The following ZNF274 variants were observed in gnomAD, a reference collection of about 807,000 sequenced individuals.
ZNF274 encodes neurotrophin receptor-interacting factor homolog.
Under a neutral mutation model 42.5 loss-of-function variants are expected in ZNF274, and 23 were observed. That is an observed-to-expected ratio of 0.54 (90% CI 0.39 to 0.77). The LOEUF (loss-of-function observed/expected upper bound fraction) is 0.77, where lower values mean the gene tolerates loss of function less well. Among genes scored for constraint, ZNF274 ranks in the 30% least tolerant of loss-of-function variants. The probability of loss-of-function intolerance (pLI) is 0.00; values close to 1 mark genes in which losing one functional copy is unlikely to be tolerated. For synonymous variants in ZNF274, 292 were observed against 305.4 expected, an observed-to-expected ratio of 0.96 and a Z score of 0.46; for missense variants, 679 against 806.5, an observed-to-expected ratio of 0.84 and a Z score of 1.91.
At position 58,207,164 on chromosome 19, in the gene ZNF274, C is replaced by T. The variant is rs1350959250; in HGVS notation, c.701C>T (p.Ala234Val). Reference sequence around the variant, plus strand: ...CCAGAGAACTGCCAAGAGGTGGTGGCCCTGGTAGAGGGTGTGACCTGGATG... The same window carrying T: ...CCAGAGAACTGCCAAGAGGTGGTGGTCCTGGTAGAGGGTGTGACCTGGATG... ...QHPENCQEVV[A>V]LVEGVTWMSE... Residue 234 changes from alanine to valine, a missense_variant, in exon 5 of 8, where the codon GCC becomes GTC. Physicochemically the swap from Ala to Val is moderately conservative, Grantham distance 64. Transcript: ENST00000617501. The surrounding 1 kb of genome is among the most constrained non-coding windows in gnomAD (Gnocchi z 5.6). The T allele has an allele frequency of 6.2e-7, 1 of 1,612,886 alleles. No individual in the cohort carries two copies. Among genetic ancestry groups the T allele is most frequent in the Admixed American group, 1.7e-5 (1 of 59,828 alleles).
rs1568710980 is a variant in ZNF274 at position 58,207,796 on chromosome 19, A to C, written c.739+594A>C. On this transcript the variant is annotated intron_variant, in intron 5 of 7. Transcript: ENST00000617501. This position sits in a 1 kb window ranked among gnomAD's most constrained non-coding sequence, Gnocchi z 5.6. ...GAAGGGAGCAGAGGTTGGAGCTGGC[A>C]CTGCCAGTGGGGACTTTAGTCCTAA... Among the ~76,000 whole-genome samples, 1 of 152,250 alleles carries C rather than the reference A, an allele frequency of 6.6e-6. No homozygotes were observed. The highest frequency in any genetic ancestry group is 2.4e-5 in the African/African-American group (1 of 41,466).
At chr19:58,192,807 T>C (rs543941746) in intron 4 of ZNF274, among the ~76,000 whole-genome samples, 42 of 152,290 alleles carry the variant, frequency 2.8e-4, no homozygotes, top group Middle Eastern at 3.4e-3. Context: ...TGTAGTGGCA[T>C]GATCATGGCT....
chr19:58,209,566 G>C (rs757808214), intron 5 of ZNF274: 1 of 157,382 alleles, frequency 6.4e-6, no homozygotes, highest in Non-Finnish European at 1.4e-5. Context: ...AGAAGGAAGA[G>C]GTGCCCAAAT....
chr19:58,185,463 AAAAT>A (rs1344700854), intron 2 of ZNF274: 1 of 185,452 alleles, frequency 5.4e-6, no homozygotes, highest in Admixed American at 6.1e-5. Flanking sequence ...ATAAATAAAT[AAAAT>A]GGACAGATTT....
At chr19:58,195,966 C>G (rs2075837623) in intron 4 of ZNF274, among the ~76,000 whole-genome samples, 1 of 152,138 alleles carries the variant, frequency 6.6e-6, no homozygotes, top group African/African-American at 2.4e-5. Context: ...CTGGGGACCC[C>G]TGGTTTAAGT....
chr19:58,189,984 G>A (rs1030692394), intron 4 of ZNF274, among the ~76,000 whole-genome samples: 19 of 151,892 alleles, frequency 1.3e-4, no homozygotes, highest in Middle Eastern at 6.8e-3. Flanking sequence ...TTAGCTGGGC[G>A]TGGTGGTTCG....
chr19:58,196,792 T>G (rs2075848347), intron 4 of ZNF274, among the ~76,000 whole-genome samples: 1 of 152,200 alleles, frequency 6.6e-6, no homozygotes, highest in Admixed American at 6.5e-5. Context: ...AAAATTCACT[T>G]TCAGCCTGTC....
rs572303077 is a variant in ZNF274 at position 58,186,948 on chromosome 19, A to T, written c.162A>T (p.Glu54Asp). The change falls in exon 4 of 8, where the codon GAA becomes GAT. Residue 54 changes from glutamate to aspartate, a missense_variant and splice_region_variant. Coordinates refer to ENST00000617501, the MANE Select transcript of ZNF274 (RefSeq NM_133502.3). Reference protein sequence around the residue: ...LENYRNLVSVEHQLSKPDVVS... With the variant: ...LENYRNLVSVDHQLSKPDVVS... Reference sequence around the variant, plus strand: ...CCCTGTCTCTTTTCCTTTGAGCAGAACATCAGCTTTCCAAACCAGATGTGG... The same window carrying T: ...CCCTGTCTCTTTTCCTTTGAGCAGATCATCAGCTTTCCAAACCAGATGTGG... The T allele has an allele frequency of 3.7e-6, 6 of 1,613,410 alleles. No individual in the cohort carries two copies. Among genetic ancestry groups the T allele is most frequent in the Non-Finnish European group, 5.1e-6 (6 of 1,179,656 alleles).
At chr19:58,183,768 C>G in intron 1 of ZNF274, 153 bp from the exon 2 acceptor site, 1 of 582,380 alleles carries the variant, frequency 1.7e-6, no homozygotes, top group Non-Finnish European at 3.1e-6. Flanking sequence ...CCTATCCAGT[C>G]CTGTGGGAGT....
At chr19:58,204,346 AG>A (rs113292191) in intron 4 of ZNF274, among the ~76,000 whole-genome samples, 3,774 of 151,674 alleles carry the variant, frequency 0.025, 119 homozygotes, top group Admixed American at 0.07. Flanking sequence ...TTCCGGGTCC[AG>A]GGGGGGCAGG....
chr19:58,204,959 A>G lies in ZNF274; in HGVS notation c.257-1761A>G, dbSNP rs112898039. On this transcript the variant is annotated intron_variant, in intron 4 of 7. Transcript: ENST00000617501. Reference sequence around the variant, plus strand: ...CATAAGGAAGGGTTCTGAGTGGAGAACCCTATTGGCTTGGCGGGGAGCAGT... The same window carrying G: ...CATAAGGAAGGGTTCTGAGTGGAGAGCCCTATTGGCTTGGCGGGGAGCAGT... Among the ~76,000 whole-genome samples, 520 of 152,124 alleles carry G rather than the reference A, an allele frequency of 3.4e-3. 2 individuals are homozygous for G. The highest frequency in any genetic ancestry group is 5.6e-3 in the Non-Finnish European group (384 of 67,990).
Position 58,211,152 on chromosome 19 carries a change from G to A in ZNF274, c.853-408G>A, listed in dbSNP as rs1351528773. The stretch of plus-strand genomic sequence containing the variant: ...GAAAGGACCAGTCATGGCTGTGCCA[G>A]GGTGACTGCCCTCCCCCAGGTCAGC... On this transcript the variant is annotated intron_variant, in intron 6 of 7. Coordinates refer to ENST00000617501, the MANE Select transcript of ZNF274 (RefSeq NM_133502.3). The surrounding 1 kb of genome is among the most constrained non-coding windows in gnomAD (Gnocchi z 4.8). The A allele has an allele frequency of 6.3e-6, 1 of 158,316 alleles. No homozygotes were observed. Among genetic ancestry groups the A allele is most frequent in the Non-Finnish European group, 1.4e-5 (1 of 72,320 alleles). 9.8% of individuals were successfully genotyped at this position (158,316 alleles called of 1,614,324 possible).
intron 3 of ZNF274, 155 bp downstream of exon 3, chr19:58,185,993 C>T (rs968479760): frequency 1.7e-5 from 9 of 519,800 alleles, no homozygotes; most frequent in Non-Finnish European, 2.8e-5. Context: ...TAGTCCATCC[C>T]TCCCTGAATA....
chr19:58,193,470 T>C (rs1382796639), intron 4 of ZNF274, among the ~76,000 whole-genome samples: 74 of 64,322 alleles, frequency 1.2e-3, no homozygotes, highest in African/African-American at 4.9e-3. Flanking sequence ...TTTTTTTTTT[T>C]GGAGAGTCTC....
chr19:58,187,744 G>C (rs1038003242), intron 4 of ZNF274, among the ~76,000 whole-genome samples: 1 of 150,500 alleles, frequency 6.6e-6, no homozygotes, highest in African/African-American at 2.5e-5. Context: ...TTTATTTTTT[G>C]AGATGGAATC....
At chr19:58,205,188 G>A (rs2075967618) in intron 4 of ZNF274, among the ~76,000 whole-genome samples, 1 of 152,190 alleles carries the variant, frequency 6.6e-6, no homozygotes, top group South Asian at 2.1e-4. Context: ...GGCTTTGCTA[G>A]TTCATGCTGA....
At chr19:58,190,578 T>C (rs1179677981) in intron 4 of ZNF274, among the ~76,000 whole-genome samples, 1 of 152,218 alleles carries the variant, frequency 6.6e-6, no homozygotes, top group Non-Finnish European at 1.5e-5. Context: ...TAGAGCATAC[T>C]AAAGTGGTCA....
intron 4 of ZNF274, among the ~76,000 whole-genome samples, chr19:58,188,281 T>C (rs766732191): frequency 2.6e-5 from 4 of 151,660 alleles, no homozygotes; most frequent in African/African-American, 4.8e-5. Flanking sequence ...TCCCAGCACT[T>C]TGGGAGGCTG....
rs907981864 is a variant in ZNF274, at chr19:58,207,816, T to C, written c.739+614T>C. On this transcript the variant is annotated intron_variant, in intron 5 of 7. Coordinates refer to ENST00000617501, the MANE Select transcript of ZNF274 (RefSeq NM_133502.3). This position sits in a 1 kb window ranked among gnomAD's most constrained non-coding sequence, Gnocchi z 5.6. ...CTGGCACTGCCAGTGGGGACTTTAG[T>C]CCTAAAGCAAAGCAAAATGTTCTTC... Among the ~76,000 whole-genome samples the C allele has an allele frequency of 2.0e-5, 3 of 152,210 alleles. No individual in the cohort carries two copies. The highest frequency in any genetic ancestry group is 4.4e-5 in the Non-Finnish European group (3 of 68,036).
Sources: gnomAD v4.1 joint callset for allele counts (sites outside exome capture counted in the v4.1 genomes callset) on GRCh38, gnomAD v4.1.1 for gene constraint, Gnocchi (gnomAD v3.1) non-coding constraint, MANE v1.5 for transcripts, NCBI Gene and HGNC (gene_info 2026-07-23, HGNC 2026-07-21) for gene names.